SLC4A1AP: variants seen among roughly 807,000 people sequenced by gnomAD.
The protein encoded by SLC4A1AP is kanadaptin.
In SLC4A1AP, 64 loss-of-function variants were observed where a neutral mutation model predicts 89.7. The observed-to-expected ratio is 0.71, with a 90% CI of 0.58 to 0.88. The LOEUF is 0.88. SLC4A1AP is among the 40% of genes least tolerant of loss of function. The probability of loss-of-function intolerance (pLI) is 0.00; values close to 1 mark genes in which losing one functional copy is unlikely to be tolerated. For missense variants in SLC4A1AP, 931 were observed against 965.0 expected (o/e 0.96, Z 0.47); for synonymous variants, 366 against 353.3 (o/e 1.04, Z -0.40).
Position 27,685,041 on chromosome 2 carries a change from T to A in SLC4A1AP, c.1880T>A (p.Leu627Ter), listed in dbSNP as rs776563691. ...ATGGTTTTGTTTCCCTCTTAGAAGT[T>A]ACCCCCCAAGCGTCCAGAACTCCCT... is the stretch of plus-strand genomic sequence containing the variant. The change falls in exon 10 of 14, where the codon TTA becomes TAA. Residue 627 changes from leucine to a stop codon, truncating the protein, a stop_gained. Transcript: ENST00000613058. LOFTEE classifies it high-confidence loss of function. 6.3e-7 allele frequency: 1 copy of A among 1,594,508 alleles called. No homozygotes were observed. Among genetic ancestry groups the A allele is most frequent in the Non-Finnish European group, 8.5e-7 (1 of 1,173,996 alleles).
intron 2 of SLC4A1AP, among the ~76,000 whole-genome samples, chr2:27,667,034 A>T (rs189501186): frequency 0.017 from 2,557 of 151,402 alleles, 81 homozygotes; most frequent in African/African-American, 0.058. Context: ...TGCCCAGCTA[A>T]TTTTTTTTGT....
chr2:27,677,128 G>C (rs1230637520), intron 6 of SLC4A1AP, among the ~76,000 whole-genome samples, 167 bp from the exon 7 acceptor site: 2 of 151,926 alleles, frequency 1.3e-5, no homozygotes, highest in East Asian at 3.9e-4. Context: ...ACAGAATGAG[G>C]CTCTATCTCA....
At chr2:27,674,880 T>C (rs572304203) in intron 5 of SLC4A1AP, among the ~76,000 whole-genome samples, 1 of 152,132 alleles carries the variant, frequency 6.6e-6, no homozygotes, top group South Asian at 2.1e-4. Context: ...CCCATCTAAT[T>C]TTTGTATTTT....
At chr2:27,685,797 T>G (rs960316247) in intron 10 of SLC4A1AP, among the ~76,000 whole-genome samples, 34 of 152,148 alleles carry the variant, frequency 2.2e-4, no homozygotes, top group African/African-American at 8.2e-4. Flanking sequence ...CAGCAAATAT[T>G]TGATGAAAAA....
intron 5 of SLC4A1AP, among the ~76,000 whole-genome samples, chr2:27,670,466 A>C (rs1044881004): frequency 2.0e-5 from 3 of 152,198 alleles, no homozygotes; most frequent in East Asian, 3.9e-4. Flanking sequence ...CAAAAGGCTT[A>C]TAATAAAATA....
At chr2:27,684,474 C>G (rs1013183149) in intron 9 of SLC4A1AP, among the ~76,000 whole-genome samples, 41 of 151,120 alleles carry the variant, frequency 2.7e-4, no homozygotes, top group Admixed American at 2.7e-3. Context: ...TTGGTTCCTT[C>G]CCTCTATTCC....
intron 8 of SLC4A1AP, among the ~76,000 whole-genome samples, chr2:27,678,498 A>T (rs375857277): frequency 2.0e-5 from 3 of 151,846 alleles, no homozygotes; most frequent in Admixed American, 2.0e-4. Flanking sequence ...GTGCCATTGC[A>T]CTCCAGCATG....
At chr2:27,691,634 C>CAGGG (rs1675789512) in intron 12 of SLC4A1AP, 1 of 149,960 alleles carries the variant, frequency 6.7e-6, no homozygotes, top group African/African-American at 2.5e-5. Context: ...TTCTGTTGCC[C>CAGGG]AGGGAGTGCA....
At position 27,675,539 on chromosome 2, in the gene SLC4A1AP, GA is replaced by G; in HGVS notation, c.1357del (p.Arg453GlyfsTer25). ...CATTTTATCTACCTCTAGTATCTCG[GA>G]AAAGGAAAGCCAAGAACTGGGAAGA... is the stretch of plus-strand genomic sequence containing the variant. On this transcript the variant is annotated frameshift_variant, in exon 6 of 14. Coordinates refer to ENST00000613058, the Ensembl canonical transcript of SLC4A1AP. LOFTEE classifies it high-confidence loss of function. The G allele has an allele frequency of 6.4e-7, 1 of 1,572,030 alleles. No homozygotes were observed. The highest frequency in any genetic ancestry group is 8.6e-7 in the Non-Finnish European group (1 of 1,160,538).
chr2:27,664,422 T>G, exon 1 of SLC4A1AP: 1 of 1,614,178 alleles, frequency 6.2e-7, no homozygotes, highest in Non-Finnish European at 8.5e-7. Context: ...TGACGGAGAA[T>G]GCGACAGCAA....
At chr2:27,669,367 G>C in exon 5 of SLC4A1AP, 2 of 1,610,894 alleles carry the variant, frequency 1.2e-6, no homozygotes, top group Non-Finnish European at 8.5e-7. Flanking sequence ...GACACTTTGG[G>C]ATTGCTTCGG....
intron 10 of SLC4A1AP, among the ~76,000 whole-genome samples, chr2:27,686,313 T>C (rs1408435769): frequency 6.6e-6 from 1 of 152,208 alleles, no homozygotes; most frequent in Non-Finnish European, 1.5e-5. Context: ...GGTACTTACA[T>C]GAGCTTGGTC....
At chr2:27,694,235 A>C (rs748923816) in intron 13 of SLC4A1AP, among the ~76,000 whole-genome samples, 24 of 152,320 alleles carry the variant, frequency 1.6e-4, no homozygotes, top group Non-Finnish European at 3.4e-4. Flanking sequence ...AAAAAAAATC[A>C]TAAAAGTTAA....
rs1461638440 is a variant in SLC4A1AP at position 27,688,740 on chromosome 2, GAA to G, written c.2248_2249del (p.Lys750GlufsTer18). On this transcript the variant is annotated frameshift_variant, in exon 12 of 14. Transcript: ENST00000613058. LOFTEE classifies it high-confidence loss of function. The stretch of plus-strand genomic sequence containing the variant: ...ATGAGAAAAGCAGAGGTGAATTGAA[GAA>G]AAAGAAAACACCTGGTCCAGGCAAA... 6.2e-7 allele frequency: 1 copy of G among 1,603,382 alleles called. No individual in the cohort carries two copies. The highest frequency in any genetic ancestry group is 8.5e-7 in the Non-Finnish European group (1 of 1,177,154).
At chr2:27,688,083 G>C (rs1269379681) in intron 11 of SLC4A1AP, 63 bp downstream of exon 11, 10 of 1,392,752 alleles carry the variant, frequency 7.2e-6, no homozygotes, top group Admixed American at 1.7e-5. Context: ...TTTCATAAGG[G>C]AGGGGCTGGC....
intron 5 of SLC4A1AP, among the ~76,000 whole-genome samples, chr2:27,673,557 G>A (rs1182579798): frequency 6.6e-6 from 1 of 151,302 alleles, no homozygotes; most frequent in Non-Finnish European, 1.5e-5. Context: ...TCAACTTCCG[G>A]GGCTCAAGCG....
rs2148134561 is a variant in SLC4A1AP at position 27,675,479 on chromosome 2, TTTTTC to T, written c.1346-43_1346-39del. 3.7e-6 allele frequency: 5 copies of T among 1,344,350 alleles called. No homozygotes were observed. The South Asian group carries it at 6.1e-5, about 16-fold the overall frequency. 83.3% of individuals were successfully genotyped at this position (1,344,350 alleles called of 1,614,324 possible). A position where few individuals can be genotyped will look rare whatever the true frequency, so the allele number is the denominator to read the frequency against. On this transcript the variant is annotated intron_variant, in intron 5 of 13. Coordinates refer to ENST00000613058, the Ensembl canonical transcript of SLC4A1AP. ...GCTCCTTGCCTACTTGCCTTCTTTC[TTTTTC>T]TTTTCTTTTTTAAAAACTTATTTAT...
intron 8 of SLC4A1AP, among the ~76,000 whole-genome samples, chr2:27,680,463 A>G (rs936316875): frequency 5.3e-5 from 8 of 152,188 alleles, no homozygotes; most frequent in African/African-American, 1.4e-4. Context: ...TAAGAATCAT[A>G]TAATAATTTT....
At chr2:27,668,801 T>C (rs1675375651) in intron 3 of SLC4A1AP, 42 bp from the exon 4 acceptor site, 2 of 1,563,506 alleles carry the variant, frequency 1.3e-6, no homozygotes, top group East Asian at 4.5e-5. Flanking sequence ...CTAGTAATTT[T>C]TGGATTCTAT....
Sources: gnomAD v4.1 joint callset for allele counts (sites outside exome capture counted in the v4.1 genomes callset) on GRCh38, gnomAD v4.1.1 for gene constraint, MANE v1.5 for transcripts, NCBI Gene and HGNC (gene_info 2026-07-23, HGNC 2026-07-21) for gene names.